Variants in ZNF175 observed in about 807,000 individuals in gnomAD.
The protein encoded by ZNF175 is zinc finger protein 175, also known as zinc finger protein OTK18.
Under a neutral mutation model 14.0 loss-of-function variants are expected in ZNF175, and 8 were observed. That is an observed-to-expected ratio of 0.57 (90% CI 0.34 to 1.03). The LOEUF (loss-of-function observed/expected upper bound fraction) is 1.03, where lower values mean the gene tolerates loss of function less well. Ranked by LOEUF, ZNF175 falls within the 50% of genes least tolerant of loss-of-function variation. The pLI is 0.03. For missense variants in ZNF175, 764 were observed against 849.5 expected, an observed-to-expected ratio of 0.90 and a Z score of 1.25; for synonymous variants, 255 against 296.8, an observed-to-expected ratio of 0.86 and a Z score of 1.45.
chr19:51,585,732 T>C (rs1982144705), intron 4 of ZNF175, among the ~76,000 whole-genome samples: 1 of 152,108 alleles, frequency 6.6e-6, no homozygotes, highest in African/African-American at 2.4e-5. Context: ...CACAGGATGA[T>C]CAGGGACTCT....
Position 51,588,635 on chromosome 19 carries a change from T to G in ZNF175, c.*168T>G. On this transcript the variant is annotated 3_prime_UTR_variant, in exon 5 of 5. Transcript: ENST00000262259. Reference sequence around the variant, plus strand: ...CACATGATAAAAAAGTCATGCTTTATTTTAGTGAGGGCAATTACAGAGAAA... The same window carrying G: ...CACATGATAAAAAAGTCATGCTTTAGTTTAGTGAGGGCAATTACAGAGAAA... The G allele has an allele frequency of 1.4e-6, 1 of 700,920 alleles. No homozygotes were observed. The highest frequency in any genetic ancestry group is 2.2e-6 in the Non-Finnish European group (1 of 460,856). The allele number at this position is 700,920 out of a possible 1,614,324, so 43.4% of individuals were successfully genotyped here.
intron 2 of ZNF175, among the ~76,000 whole-genome samples, chr19:51,579,335 C>A (rs1285734119): frequency 6.6e-6 from 1 of 151,378 alleles, no homozygotes. Context: ...GCAGGAGGAT[C>A]GCTTGAGTCT....
At chr19:51,572,678 C>T (rs894358011) in intron 1 of ZNF175, among the ~76,000 whole-genome samples, 3 of 152,168 alleles carry the variant, frequency 2.0e-5, no homozygotes, top group African/African-American at 7.2e-5. Context: ...CCTGTTTTTC[C>T]ATTTACAGAC....
chr19:51,586,199 C>T (rs966366989), intron 4 of ZNF175, among the ~76,000 whole-genome samples: 4 of 152,152 alleles, frequency 2.6e-5, no homozygotes, highest in African/African-American at 9.6e-5. Flanking sequence ...TGCCCTGCAA[C>T]ACTTGTCTGT....
At position 51,590,070 on chromosome 19, in the gene ZNF175, C is replaced by T. The variant is rs1218661157; in HGVS notation, c.*1603C>T. The T allele has an allele frequency of 6.5e-6, 1 of 153,542 alleles. No individual in the cohort carries two copies. The highest frequency in any genetic ancestry group is 1.4e-5 in the Non-Finnish European group (1 of 69,072). The allele number at this position is 153,542 out of a possible 1,614,324, so 9.5% of individuals were successfully genotyped here. The stretch of plus-strand genomic sequence containing the variant: ...ACCTGCCATAATTTATTTAGCCATT[C>T]CCACAGTTTTGATTACTTATTTCCT... On this transcript the variant is annotated 3_prime_UTR_variant, in exon 5 of 5. Transcript: ENST00000262259.
intron 4 of ZNF175, among the ~76,000 whole-genome samples, chr19:51,584,556 T>A (rs537622465): frequency 6.6e-6 from 1 of 152,178 alleles, no homozygotes; most frequent in Non-Finnish European, 1.5e-5. Context: ...ATGTTTCAGA[T>A]CGCTGCCTGG....
rs1247412100 is a variant in ZNF175, at chr19:51,590,353, A to G, written c.*1886A>G. The G allele has an allele frequency of 6.6e-6, 1 of 152,228 alleles. No individual in the cohort carries two copies. Among genetic ancestry groups the G allele is most frequent in the African/African-American group, 2.4e-5 (1 of 41,416 alleles). 9.4% of individuals were successfully genotyped at this position (152,228 alleles called of 1,614,324 possible). ...GGTGTGAGAAGTGTGTGTGTGTTAAACCCTTGGAACTGCATGGACAGACCA... is the reference window on the plus strand; with the variant it reads ...GGTGTGAGAAGTGTGTGTGTGTTAAGCCCTTGGAACTGCATGGACAGACCA... On this transcript the variant is annotated 3_prime_UTR_variant, in exon 5 of 5. Transcript: ENST00000262259.
intron 2 of ZNF175, among the ~76,000 whole-genome samples, chr19:51,576,332 T>G (rs1217677372): frequency 6.6e-6 from 1 of 152,098 alleles, no homozygotes; most frequent in Non-Finnish European, 1.5e-5. Flanking sequence ...ATATTTTTAG[T>G]AGAAACAGGG....
Sources: allele counts gnomAD v4.1 joint callset (sites outside exome capture counted in the v4.1 genomes callset), GRCh38; gene constraint gnomAD v4.1.1; transcripts MANE v1.5; gene names NCBI Gene and HGNC (gene_info 2026-07-23, HGNC 2026-07-21).